The following NAGLU variants were observed in gnomAD, a reference collection of about 807,000 sequenced individuals.
The protein encoded by NAGLU is N-acetyl-alpha-glucosaminidase, also known as alpha-N-acetylglucosaminidase.
In NAGLU, 34 loss-of-function variants were observed where a neutral mutation model predicts 43.4. The observed-to-expected ratio is 0.78, with a 90% CI of 0.60 to 1.04. The LOEUF (loss-of-function observed/expected upper bound fraction) is 1.04, where lower values mean the gene tolerates loss of function less well. NAGLU is among the 50% of genes least tolerant of loss of function. NAGLU has a pLI of 0.00. For missense variants in NAGLU, 910 were observed against 993.7 expected (o/e 0.92, Z 1.13); for synonymous variants, 425 against 437.6 (o/e 0.97, Z 0.36).
Position 42,543,138 on chromosome 17 carries a change from C to G in NAGLU, c.1132C>G (p.Leu378Val). 6.2e-7 allele frequency: 1 copy of G among 1,613,980 alleles called. No homozygotes were observed. Among genetic ancestry groups the G allele is most frequent in the Non-Finnish European group, 8.5e-7 (1 of 1,180,046 alleles). ...GCTGGGAGCTGTGCCCCGTGGCCGC[C>G]TCCTGGTTCTGGACCTGTTTGCTGA... ...AVLGAVPRGR[L>V]LVLDLFAESQ... The change falls in exon 6 of 6, where the codon CTC becomes GTC. Residue 378 changes from leucine (L) to valine (V), a missense_variant. Coordinates refer to ENST00000225927, the MANE Select transcript of NAGLU (RefSeq NM_000263.4).
At chr17:42,538,232 G>A in intron 2 of NAGLU, 107 bp from the exon 3 acceptor site, 2 of 1,569,348 alleles carry the variant, frequency 1.3e-6, no homozygotes, top group South Asian at 1.1e-5. Flanking sequence ...TTTTGTCTCA[G>A]TAGCCCTAGC....
In NAGLU at chr17:42,541,200, A is replaced by G; in HGVS notation, c.1015A>G (p.Thr339Ala). 6.2e-7 allele frequency: 1 copy of G among 1,612,770 alleles called. No homozygotes were observed. Reference protein sequence around the residue: ...AATTAVYEAMTAVDTEAVWLL... With the variant: ...AATTAVYEAMAAVDTEAVWLL... ...CACCACTGCCGTCTATGAGGCCATG[A>G]CTGCAGGTACAGTGCCTGGGTGGGG... The change falls in exon 5 of 6, where the codon ACT becomes GCT. Residue 339 changes from threonine to alanine, a missense_variant. Thr to Ala is a moderately conservative substitution (Grantham distance 58, BLOSUM62 0). Transcript: ENST00000225927.
rs750276054 is a variant in NAGLU, at chr17:42,538,454, C to T, written c.647C>T (p.Pro216Leu). 3 of 1,614,140 alleles carry T rather than the reference C, an allele frequency of 1.9e-6. No individual in the cohort carries two copies. Among genetic ancestry groups the T allele is most frequent in the Non-Finnish European group, 2.5e-6 (3 of 1,180,030 alleles). Residue 216 changes from proline to leucine, a missense_variant, in exon 3 of 6, where the codon CCC becomes CTC. By Grantham distance (98) the Pro-to-Leu change is moderately conservative. Transcript: ENST00000225927. ...CACACCTGGGATGGCCCCCTGCCCC[C>T]CTCCTGGCACATCAAGCAGCTTTAC... ...NLHTWDGPLP[P>L]SWHIKQLYLQ...
chr17:42,541,109 C>T lies in NAGLU; in HGVS notation c.924C>T (p.Ile308=). 6.2e-7 allele frequency: 1 copy of T among 1,614,136 alleles called. No homozygotes were observed. Residue 308 remains isoleucine (I), a synonymous_variant, in exon 5 of 6, where the codon ATC becomes ATT. Coordinates refer to ENST00000225927, the MANE Select transcript of NAGLU (RefSeq NM_000263.4). ...TCAAAGAGTTTGGCACAGACCACAT[C>T]TATGGGGCCGACACTTTCAATGAGA... ...ELIKEFGTDH[I]YGADTFNEMQ... is the part of the protein sequence containing the mutation.
At chr17:42,542,406 C>T (rs996024825) in intron 5 of NAGLU, among the ~76,000 whole-genome samples, 4 of 152,230 alleles carry the variant, frequency 2.6e-5, no homozygotes, top group South Asian at 2.1e-4. Flanking sequence ...CCATGGTGGC[C>T]AGACTGGTCT....
At chr17:42,542,899 G>A (rs924904500) in intron 5 of NAGLU, 129 bp from the exon 6 acceptor site, 144 of 1,407,440 alleles carry the variant, frequency 1.0e-4, no homozygotes, top group East Asian at 7.7e-4. Flanking sequence ...GCCACAGAGC[G>A]TCCCGCTGGT....
At chr17:42,536,820 C>T in intron 1 of NAGLU, 165 bp downstream of exon 1, 1 of 1,285,776 alleles carries the variant, frequency 7.8e-7, no homozygotes, top group Non-Finnish European at 9.9e-7. Context: ...CTTTCAGAGC[C>T]TCGGCTGGCC....
chr17:42,544,067 C>T lies in NAGLU; in HGVS notation c.2061C>T (p.Ala687=). 2 of 1,613,862 alleles carry T rather than the reference C, an allele frequency of 1.2e-6. No individual in the cohort carries two copies. Among genetic ancestry groups the T allele is most frequent in the Non-Finnish European group, 1.7e-6 (2 of 1,179,928 alleles). Residue 687 remains alanine (A), a synonymous_variant, in exon 6 of 6, where the codon GCC becomes GCT. Transcript: ENST00000225927. ...LFLEALVDSV[A]QGIPFQQHQF... is the part of the protein sequence containing the mutation. ...TGGAGGCGCTGGTTGACAGTGTGGC[C>T]CAGGGCATCCCTTTCCAACAGCACC...
At chr17:42,538,199 G>A (rs762996159) in intron 2 of NAGLU, 140 bp from the exon 3 acceptor site, 3 of 1,304,332 alleles carry the variant, frequency 2.3e-6, no homozygotes, top group Non-Finnish European at 3.3e-6. Context: ...TGGGCTGTGG[G>A]CTCCTTGATG....
rs1260913943 is a variant in NAGLU, at chr17:42,537,608, C to T, written c.531+63C>T. ...GCGGGAGCCACCGTAGGTGTTTTCA[C>T]CCGCCCCCCAGCATGGGCGCAGTGT... On this transcript the variant is annotated intron_variant, in intron 2 of 5. Transcript: ENST00000225927. The T allele has an allele frequency of 2.5e-6, 4 of 1,591,830 alleles. No individual in the cohort carries two copies. In the African/African-American group the frequency reaches 4.0e-5, roughly 16 times the overall value.
chr17:42,538,645 A>G (rs1251377143), intron 3 of NAGLU, 25 bp from the exon 4 acceptor site: 3 of 1,613,752 alleles, frequency 1.9e-6, no homozygotes, highest in African/African-American at 1.3e-5. Flanking sequence ...GGCCATGCTC[A>G]CCACCCTTCC....
In NAGLU at chr17:42,536,518, C is replaced by G; in HGVS notation, c.246C>G (p.Gly82=). Residue 82 remains glycine (G), a synonymous_variant, in exon 1 of 6, where the codon GGC becomes GGG. Coordinates refer to ENST00000225927, the MANE Select transcript of NAGLU (RefSeq NM_000263.4). ...AARVRVRGST[G]VAAAAGLHRY... is the part of the protein sequence containing the mutation. ...GCGTGCGGGTGCGCGGCTCCACGGG[C>G]GTGGCGGCCGCCGCGGGGCTGCACC... 7.7e-7 allele frequency: 1 copy of G among 1,298,680 alleles called. No individual in the cohort carries two copies. The highest frequency in any genetic ancestry group is 9.8e-7 in the Non-Finnish European group (1 of 1,024,834). The allele number at this position is 1,298,680 out of a possible 1,614,324, so 80.4% of individuals were successfully genotyped here.
chr17:42,536,777 A>T, intron 1 of NAGLU, 122 bp downstream of exon 1: 1 of 1,338,114 alleles, frequency 7.5e-7, no homozygotes, highest in Non-Finnish European at 9.6e-7. Flanking sequence ...CGCCGCCTCC[A>T]GCAGCTGTGT....
Position 42,544,241 on chromosome 17 carries a change from G to C in NAGLU, c.*3G>C, listed in dbSNP as rs1350275361. ...GCTGGGTGGCCGGCTCTTGGTGATA[G>C]ATTCGCCACCACTGGGCCTTGTTTT... On this transcript the variant is annotated 3_prime_UTR_variant, in exon 6 of 6. Transcript: ENST00000225927. The C allele has an allele frequency of 6.2e-7, 1 of 1,607,932 alleles. No individual in the cohort carries two copies. The highest frequency in any genetic ancestry group is 8.5e-7 in the Non-Finnish European group (1 of 1,179,994).
At chr17:42,541,864 C>A (rs1246416220) in intron 5 of NAGLU, among the ~76,000 whole-genome samples, 1 of 152,014 alleles carries the variant, frequency 6.6e-6, no homozygotes, top group Non-Finnish European at 1.5e-5. Flanking sequence ...TGTGAGATGG[C>A]AAATTCTCAG....
At chr17:42,536,916 A>G in intron 1 of NAGLU, 1 of 710,240 alleles carries the variant, frequency 1.4e-6, no homozygotes, top group Non-Finnish European at 2.1e-6. Flanking sequence ...TGTGGTGCAC[A>G]ATTGGTGATG....
intron 4 of NAGLU, among the ~76,000 whole-genome samples, chr17:42,539,045 C>G (rs954088446): frequency 2.6e-5 from 4 of 152,224 alleles, no homozygotes; most frequent in Non-Finnish European, 5.9e-5. Context: ...TTGCTTAAAC[C>G]TGGGAGGCAG....
In NAGLU at chr17:42,538,772, C is replaced by T. The variant is rs749680536; in HGVS notation, c.764+17C>T. On this transcript the variant is annotated intron_variant, in intron 4 of 5. Transcript: ENST00000225927. ...TGTCACCAGGTGAGGTTCCGCTCAC[C>T]CCCTCCACTTAGCTCAGAGAGGGAA... 2.2e-5 allele frequency: 35 copies of T among 1,613,172 alleles called. No homozygotes were observed. The highest frequency in any genetic ancestry group is 2.8e-5 in the Non-Finnish European group (33 of 1,179,708).
intron 1 of NAGLU, chr17:42,536,984 G>A (rs904211899): frequency 2.2e-6 from 1 of 459,292 alleles, no homozygotes; most frequent in Non-Finnish European, 3.9e-6. Context: ...ACTGAGGAAG[G>A]ACGCCTCCAT....
Sources: allele counts gnomAD v4.1 joint callset (sites outside exome capture counted in the v4.1 genomes callset), GRCh38; gene constraint gnomAD v4.1.1; transcripts MANE v1.5; gene names NCBI Gene and HGNC (gene_info 2026-07-23, HGNC 2026-07-21).